Variants in COG4 observed in about 807,000 individuals in gnomAD.
COG4 encodes the protein component of oligomeric golgi complex 4, also known as conserved oligomeric Golgi complex subunit 4.
A neutral mutation model predicts 95.1 loss-of-function variants in COG4; 65 were observed. That is an observed-to-expected ratio of 0.68 (90% CI 0.56 to 0.84). The LOEUF is 0.84. Among genes scored for constraint, COG4 ranks in the 40% least tolerant of loss-of-function variants. COG4 has a pLI of 0.00. For missense variants in COG4, 1,045 were observed against 989.1 expected (o/e 1.06, Z -0.76); for synonymous variants, 421 against 374.8 (o/e 1.12, Z -1.42).
At chr16:70,521,357 A>G (rs77901118) in intron 1 of COG4, among the ~76,000 whole-genome samples, 6,356 of 151,878 alleles carry the variant, frequency 0.042, 463 homozygotes, top group African/African-American at 0.14. Flanking sequence ...AGCTGGGATT[A>G]TAGACGCCCA....
chr16:70,507,745 C>T lies in COG4; in HGVS notation c.1061+661G>A, dbSNP rs1184582982. On this transcript the variant is annotated intron_variant, in intron 8 of 18. Transcript: ENST00000323786. ...GGAATGGTGGTGCACGCCTGTAGTT[C>T]CAGCTACTTGGGAGGCTGAGGGAGG... Among the ~76,000 whole-genome samples the T allele has an allele frequency of 2.0e-5, 3 of 151,416 alleles. No homozygotes were observed. The East Asian group carries it at 5.9e-4, about 30-fold the overall frequency.
chr16:70,521,419 G>A (rs1214491839), intron 1 of COG4, among the ~76,000 whole-genome samples: 1 of 151,796 alleles, frequency 6.6e-6, no homozygotes, highest in Non-Finnish European at 1.5e-5. Context: ...ACATGGTTTC[G>A]CCACGTTGGC....
chr16:70,498,350 C>T (rs1194356117), intron 9 of COG4, among the ~76,000 whole-genome samples: 2 of 149,968 alleles, frequency 1.3e-5, no homozygotes, highest in African/African-American at 2.5e-5. Flanking sequence ...TTTTTTGAGA[C>T]GGAGTTTCAC....
At chr16:70,512,104 G>A in intron 5 of COG4, 135 bp downstream of exon 5, 1 of 843,520 alleles carries the variant, frequency 1.2e-6, no homozygotes, top group Non-Finnish European at 2.0e-6. Flanking sequence ...AGTCCTGCAT[G>A]GCTACACAGC....
intron 1 of COG4, among the ~76,000 whole-genome samples, chr16:70,522,774 A>T (rs2049977571): frequency 6.6e-6 from 1 of 152,246 alleles, no homozygotes; most frequent in African/African-American, 2.4e-5. Flanking sequence ...ATTGGAGAAT[A>T]GTCCACACCC....
chr16:70,488,803 G>A (rs184372670), intron 13 of COG4, among the ~76,000 whole-genome samples: 2 of 151,962 alleles, frequency 1.3e-5, no homozygotes, highest in East Asian at 1.9e-4. Context: ...CACCTGCCTC[G>A]GCCTCCCAAA....
At chr16:70,509,469 A>G in intron 6 of COG4, 81 bp from the exon 7 acceptor site, 2 of 1,499,752 alleles carry the variant, frequency 1.3e-6, no homozygotes, top group Non-Finnish European at 1.8e-6. Context: ...GACTAACCGA[A>G]GGTCTAGCTC....
chr16:70,490,787 G>A (rs1175321168), intron 12 of COG4, among the ~76,000 whole-genome samples: 6 of 151,910 alleles, frequency 3.9e-5, no homozygotes, highest in Admixed American at 2.0e-4. Flanking sequence ...AGCCACCCGA[G>A]TAGCTGGGAC....
In COG4 at chr16:70,486,296, A is replaced by G. The variant is rs148381439; in HGVS notation, c.1711-2327T>C. On this transcript the variant is annotated intron_variant, in intron 13 of 18. Transcript: ENST00000323786. ...GTTTTGGGTTGCCAGGAGCTGCCGC[A>G]TTGCTCGTAGCCTTCTTAGAAAGTT... 2.6e-5 allele frequency among the ~76,000 whole-genome samples: 4 copies of G among 152,276 alleles called. No homozygotes were observed. The East Asian group carries it at 5.8e-4, about 22-fold the overall frequency.
intron 8 of COG4, among the ~76,000 whole-genome samples, chr16:70,506,624 A>AAAC (rs2049581220): frequency 2.3e-5 from 3 of 129,160 alleles, no homozygotes; most frequent in African/African-American, 3.4e-5. Flanking sequence ...AAAACAAAAA[A>AAAC]AAAAACATTT....
intron 4 of COG4, 110 bp downstream of exon 4, chr16:70,514,225 G>A: frequency 9.1e-7 from 1 of 1,094,372 alleles, no homozygotes; most frequent in African/African-American, 1.6e-5. Flanking sequence ...AGAAGAAAAA[G>A]AAAAAAGAAA....
Position 70,483,834 on chromosome 16 carries a change from A to G in COG4, c.1827+19T>C, listed in dbSNP as rs757669374. ...CACACAGGCACAGGATTCAGTCAGC[A>G]GTTGAACCTGGGGCTTACCTGCAAG... On this transcript the variant is annotated intron_variant, in intron 14 of 18. Coordinates refer to ENST00000323786, the MANE Select transcript of COG4 (RefSeq NM_015386.3). 17 of 1,541,488 alleles carry G rather than the reference A, an allele frequency of 1.1e-5. No individual in the cohort carries two copies. Among genetic ancestry groups the G allele is most frequent in the Non-Finnish European group, 1.4e-5 (16 of 1,114,284 alleles).
intron 14 of COG4, among the ~76,000 whole-genome samples, 160 bp from the exon 15 acceptor site, chr16:70,482,981 T>C (rs1327286429): frequency 5.1e-5 from 4 of 78,122 alleles, no homozygotes; most frequent in Admixed American, 3.1e-4. Flanking sequence ...TTCTCTCCTC[T>C]CCCCACCCCT....
chr16:70,514,147 T>C (rs557806480), intron 4 of COG4, among the ~76,000 whole-genome samples, 188 bp downstream of exon 4: 4 of 151,766 alleles, frequency 2.6e-5, no homozygotes, highest in African/African-American at 9.7e-5. Flanking sequence ...AAGGCGGAGG[T>C]TGCAGTAAGC....
intron 5 of COG4, among the ~76,000 whole-genome samples, chr16:70,511,549 T>TA (rs752972070): frequency 0.04 from 5,462 of 135,510 alleles, 298 homozygotes; most frequent in African/African-American, 0.13. Flanking sequence ...ACCGTTTCTA[T>TA]AAAAAAAAAA....
intron 9 of COG4, among the ~76,000 whole-genome samples, chr16:70,500,364 TC>T (rs1489312033): frequency 2.3e-5 from 3 of 129,098 alleles, no homozygotes; most frequent in South Asian, 2.6e-4. Context: ...CATTATATAC[TC>T]TTTTTTTTTT....
intron 14 of COG4, 116 bp downstream of exon 14, chr16:70,483,737 C>T (rs976670705): frequency 1.4e-4 from 120 of 829,360 alleles, no homozygotes; most frequent in Middle Eastern, 6.6e-4. Flanking sequence ...CCAGGGCTTG[C>T]GTGCTGCTCC....
chr16:70,513,527 C>T (rs1177446841), intron 4 of COG4, among the ~76,000 whole-genome samples: 3 of 152,064 alleles, frequency 2.0e-5, no homozygotes, highest in East Asian at 1.9e-4. Flanking sequence ...TACATACCTA[C>T]GATAAAGTTT....
chr16:70,523,201 G>T, intron 1 of COG4, 172 bp downstream of exon 1: 1 of 724,480 alleles, frequency 1.4e-6, no homozygotes, highest in Admixed American at 2.3e-5. Context: ...GCGTCCGACA[G>T]CGTGAAAAGA....
Sources: gnomAD v4.1 joint callset for allele counts (sites outside exome capture counted in the v4.1 genomes callset) on GRCh38, gnomAD v4.1.1 for gene constraint, MANE v1.5 for transcripts, NCBI Gene and HGNC (gene_info 2026-07-23, HGNC 2026-07-21) for gene names.